Variants in ZNF608 observed in about 807,000 individuals in gnomAD.
ZNF608 encodes the protein zinc finger protein 608.
A neutral mutation model predicts 109.0 loss-of-function variants in ZNF608; 12 were observed. The observed-to-expected ratio is 0.11, with a 90% CI of 0.07 to 0.18. ZNF608 has a LOEUF of 0.18. ZNF608 is among the 10% of genes least tolerant of loss of function. ZNF608 has a pLI of 1.00. For missense variants in ZNF608, 1,707 were observed against 1,879.3 expected (o/e 0.91, Z 1.70); for synonymous variants, 732 against 717.4 (o/e 1.02, Z -0.33).
intron 3 of ZNF608, among the ~76,000 whole-genome samples, chr5:124,653,363 T>C (rs1344608179): frequency 1.3e-5 from 2 of 152,188 alleles, no homozygotes; most frequent in Non-Finnish European, 2.9e-5. Context: ...ATGTCCTTTG[T>C]AAAGGGTTTC....
In ZNF608 at chr5:124,648,005, T is replaced by C. The variant is rs759588605; in HGVS notation, c.2379A>G (p.Thr793=). 6.2e-7 allele frequency: 1 copy of C among 1,614,220 alleles called. No homozygotes were observed. Among genetic ancestry groups the C allele is most frequent in the South Asian group, 1.1e-5 (1 of 91,086 alleles). The change falls in exon 5 of 10, where the codon ACA becomes ACG. Residue 793 remains threonine (T), a synonymous_variant. Transcript: ENST00000513986. ...TCACGGTGATGGGCTCTCCCATAAT[T>C]GTGGGCTTTGGTTGAATGGGTTTTA... ...PPLKPIQPKP[T]IMGEPITVNP... is the part of the protein sequence containing the mutation.
At chr5:124,679,142 A>AT (rs1752084878) in intron 3 of ZNF608, among the ~76,000 whole-genome samples, 1 of 152,318 alleles carries the variant, frequency 6.6e-6, no homozygotes. Context: ...CTCCTCGAAG[A>AT]TAACACTTTT....
intron 3 of ZNF608, among the ~76,000 whole-genome samples, chr5:124,675,884 G>A (rs1751928242): frequency 6.6e-6 from 1 of 152,170 alleles, no homozygotes; most frequent in South Asian, 2.1e-4. Flanking sequence ...AATTCTTGAT[G>A]AAAATAAGGC....
chr5:124,649,155 G>A (rs572468114), intron 4 of ZNF608, 22 bp from the exon 5 acceptor site: 3 of 1,524,476 alleles, frequency 2.0e-6, no homozygotes, highest in African/African-American at 1.4e-5. Flanking sequence ...AGTAACAGAT[G>A]TGAAAATGAG....
chr5:124,640,778 G>C lies in ZNF608; in HGVS notation c.4450+474C>G, dbSNP rs1482594615. Reference sequence around the variant, plus strand: ...AGTGAAGTCGCAGCAGTGAAGGGCTGTGAAGAACCCTCGAATGAGGTTATA... The same window carrying C: ...AGTGAAGTCGCAGCAGTGAAGGGCTCTGAAGAACCCTCGAATGAGGTTATA... On this transcript the variant is annotated intron_variant, in intron 8 of 9. Coordinates refer to ENST00000513986, the MANE Select transcript of ZNF608 (RefSeq NM_020747.3). 5.3e-5 allele frequency among the ~76,000 whole-genome samples: 8 copies of C among 152,220 alleles called. 1 individual carries two copies. In the East Asian group the frequency reaches 1.5e-3, roughly 29 times the overall value.
chr5:124,647,333 A>T lies in ZNF608; in HGVS notation c.3051T>A (p.Pro1017=). ...GCGTGCTCCCACTATTTCCAGCTGC[A>T]GGGGCACCGACCTGCCCAGGGTGCA... ...SYMHPGQVGA[P]AAGNSGSTQG... The change falls in exon 5 of 10, where the codon CCT becomes CCA. Residue 1017 remains proline, a synonymous_variant. Transcript: ENST00000513986. 6.2e-7 allele frequency: 1 copy of T among 1,614,190 alleles called. No individual in the cohort carries two copies.
chr5:124,693,972 A>ATTTTTTTTTTTTTTTTTTTT (rs1561564262), intron 3 of ZNF608, among the ~76,000 whole-genome samples: 5 of 23,300 alleles, frequency 2.1e-4, no homozygotes, highest in Non-Finnish European at 3.0e-4. Context: ...CATTTCATTA[A>ATTTTTTTTTTTTTTTTTTTT]TCTTTTTTTT....
At chr5:124,699,982 C>A (rs539864178) in intron 3 of ZNF608, among the ~76,000 whole-genome samples, 3 of 145,174 alleles carry the variant, frequency 2.1e-5, no homozygotes, top group African/African-American at 7.7e-5. Flanking sequence ...GAGTCTCAGA[C>A]CCTTCTTGTT....
At chr5:124,710,039 A>G in intron 2 of ZNF608, 2 of 261,626 alleles carry the variant, frequency 7.6e-6, no homozygotes, top group South Asian at 7.7e-5. Context: ...ACATTAGCCA[A>G]TAAATCAATT....
chr5:124,669,702 T>C (rs1751637692), intron 3 of ZNF608, among the ~76,000 whole-genome samples: 1 of 151,476 alleles, frequency 6.6e-6, no homozygotes, highest in African/African-American at 2.4e-5. Flanking sequence ...GAGGATGGTA[T>C]AGATGGGTTT....
At chr5:124,670,570 C>T (rs566099250) in intron 3 of ZNF608, among the ~76,000 whole-genome samples, 48 of 152,244 alleles carry the variant, frequency 3.2e-4, no homozygotes, top group African/African-American at 1.1e-3. Flanking sequence ...CTATGTATGA[C>T]GGTGAGTGTG....
rs531173968 is a variant in ZNF608, at chr5:124,669,176, A to G, written c.1163-19479T>C. 3.9e-5 allele frequency among the ~76,000 whole-genome samples: 6 copies of G among 152,278 alleles called. No individual in the cohort carries two copies. The East Asian group carries it at 9.7e-4, about 25-fold the overall frequency. The stretch of plus-strand genomic sequence containing the variant: ...TCCTGGGATAGCACCTTCATAAGAC[A>G]GGGACACGTGGCAGACAAGAATGAA... On this transcript the variant is annotated intron_variant, in intron 3 of 9. Transcript: ENST00000513986.
At chr5:124,685,176 A>T (rs1360910909) in intron 3 of ZNF608, among the ~76,000 whole-genome samples, 3 of 152,224 alleles carry the variant, frequency 2.0e-5, no homozygotes, top group African/African-American at 7.2e-5. Flanking sequence ...TATCCAAAAA[A>T]GAAGTTCATA....
At chr5:124,742,796 C>T (rs1043393252) in intron 2 of ZNF608, among the ~76,000 whole-genome samples, 4 of 152,098 alleles carry the variant, frequency 2.6e-5, no homozygotes, top group Admixed American at 2.6e-4. Flanking sequence ...GTTTAAGTAG[C>T]AGTGAACCAT....
intron 2 of ZNF608, among the ~76,000 whole-genome samples, chr5:124,739,361 A>T (rs1056625256): frequency 5.9e-5 from 9 of 152,276 alleles, no homozygotes; most frequent in Admixed American, 2.0e-4. Context: ...ATCCTAGATT[A>T]CAGCTCTGAA....
At chr5:124,729,758 G>A (rs541919695) in intron 2 of ZNF608, among the ~76,000 whole-genome samples, 2 of 152,206 alleles carry the variant, frequency 1.3e-5, no homozygotes, top group South Asian at 2.1e-4. Context: ...CTCCCCCAAA[G>A]GGTACTTTGA....
At position 124,639,198 on chromosome 5, in the gene ZNF608, G is replaced by A; in HGVS notation, c.4467C>T (p.Ala1489=). Residue 1489 remains alanine (A), a synonymous_variant, in exon 9 of 10, where the codon GCC becomes GCT. Coordinates refer to ENST00000513986, the MANE Select transcript of ZNF608 (RefSeq NM_020747.3). ...CAGCCACCTGCTGAGAGGCAACAAG[G>A]GCAGCAGAGGTCAAGCCTAATGGGG... The part of the protein sequence containing the change: ...YDPFQGLTSA[A]LVASQQVAAQ... 15 of 1,614,174 alleles carry A rather than the reference G, an allele frequency of 9.3e-6. No individual in the cohort carries two copies. Among genetic ancestry groups the A allele is most frequent in the Non-Finnish European group, 1.3e-5 (15 of 1,180,008 alleles).
Position 124,745,009 on chromosome 5 carries a change from G to T in ZNF608, c.-20C>A, listed in dbSNP as rs1334451924. 1 of 1,572,982 alleles carries T rather than the reference G, an allele frequency of 6.4e-7. No homozygotes were observed. The highest frequency in any genetic ancestry group is 2.2e-5 in the East Asian group (1 of 44,586). ...TGACATCCTGAAGATGAGCTCTCTA[G>T]AATAAAAATCCGATGAACTTTTCTT... On this transcript the variant is annotated 5_prime_UTR_variant, in exon 2 of 10. Coordinates refer to ENST00000513986, the MANE Select transcript of ZNF608 (RefSeq NM_020747.3).
At chr5:124,745,596 C>A (rs560057436) in intron 1 of ZNF608, among the ~76,000 whole-genome samples, 1 of 152,290 alleles carries the variant, frequency 6.6e-6, no homozygotes, top group African/African-American at 2.4e-5. Flanking sequence ...CTAAACATGT[C>A]CTAGATCTTG....
Sources: allele counts gnomAD v4.1 joint callset (sites outside exome capture counted in the v4.1 genomes callset), GRCh38; gene constraint gnomAD v4.1.1; transcripts MANE v1.5; gene names NCBI Gene and HGNC (gene_info 2026-07-23, HGNC 2026-07-21).